MAF: variants seen among roughly 807,000 people sequenced by gnomAD.
MAF encodes the protein transcription factor Maf.
MAF carries 10 observed loss-of-function variants against 22.0 expected under a neutral mutation model. The ratio of observed to expected loss-of-function variants is 0.45; its 90% CI spans 0.28 to 0.77. MAF has a LOEUF of 0.77. Ranked by LOEUF, MAF falls within the 30% of genes least tolerant of loss-of-function variation. MAF has a pLI of 0.12. For missense variants in MAF, 544 were observed against 548.4 expected, an observed-to-expected ratio of 0.99 and a Z score of 0.08; for synonymous variants, 337 against 255.8, an observed-to-expected ratio of 1.32 and a Z score of -3.03.
chr16:79,203,114 C>T, the MAF span: 3 of 152,176 alleles, frequency 2.0e-5, no homozygotes, highest in Admixed American at 6.5e-5. Flanking sequence ...ACTAGCAACA[C>T]GCTGCTGGTG....
At chr16:79,263,418 T>G in the MAF span, among the ~76,000 whole-genome samples, 1 of 152,244 alleles carries the variant, frequency 6.6e-6, no homozygotes. Context: ...GATATTATCT[T>G]TGTTCATGTT....
At chr16:79,555,982 G>C in the MAF span, among the ~76,000 whole-genome samples, 2 of 151,826 alleles carry the variant, frequency 1.3e-5, no homozygotes, top group African/African-American at 4.8e-5. Flanking sequence ...TGATGATTTC[G>C]TTTAGTTTAG....
the MAF span, among the ~76,000 whole-genome samples, chr16:79,462,630 C>T: frequency 1.3e-5 from 2 of 152,190 alleles, no homozygotes; most frequent in African/African-American, 4.8e-5. Flanking sequence ...TGTTCACACA[C>T]ATGTATACAA....
chr16:79,549,456 C>G, the MAF span, among the ~76,000 whole-genome samples: 24 of 152,206 alleles, frequency 1.6e-4, no homozygotes, highest in African/African-American at 5.3e-4. Context: ...TAGAGCTGTA[C>G]GTTCCTCAAC....
the MAF span, among the ~76,000 whole-genome samples, chr16:79,210,426 G>A: frequency 0.019 from 2,959 of 152,260 alleles, 106 homozygotes; most frequent in African/African-American, 0.068. Context: ...TGGTCACAAT[G>A]TAAACCCTGC....
the MAF span, among the ~76,000 whole-genome samples, chr16:79,459,236 G>C: frequency 6.6e-6 from 1 of 152,056 alleles, no homozygotes; most frequent in Admixed American, 6.5e-5. Flanking sequence ...TACATAATTA[G>C]AAGAAAGCAA....
the MAF span, among the ~76,000 whole-genome samples, chr16:79,332,581 G>A: frequency 1.3e-5 from 2 of 152,234 alleles, no homozygotes; most frequent in South Asian, 2.1e-4. Context: ...TTACTGGCAT[G>A]AGCCACCACG....
At chr16:79,315,978 A>G in the MAF span, among the ~76,000 whole-genome samples, 1 of 152,344 alleles carries the variant, frequency 6.6e-6, no homozygotes, top group Non-Finnish European at 1.5e-5. Flanking sequence ...TGCCATTCTG[A>G]ACCTCTTGTG....
chr16:79,379,329 G>A, the MAF span, among the ~76,000 whole-genome samples: 20 of 152,236 alleles, frequency 1.3e-4, no homozygotes, highest in African/African-American at 4.8e-4. Flanking sequence ...TGTTGCCTTG[G>A]GTGTGTCAGC....
the MAF span, among the ~76,000 whole-genome samples, chr16:79,485,504 G>A: frequency 2.0e-5 from 3 of 152,150 alleles, no homozygotes; most frequent in South Asian, 2.1e-4. Flanking sequence ...TCTGATAACC[G>A]TCTCTGAGCC....
the MAF span, among the ~76,000 whole-genome samples, chr16:79,479,761 G>A: frequency 6.6e-6 from 1 of 152,196 alleles, no homozygotes; most frequent in Non-Finnish European, 1.5e-5. Flanking sequence ...GTCTGTGCTG[G>A]TACTCTATAT....
the MAF span, among the ~76,000 whole-genome samples, chr16:79,517,284 G>A: frequency 6.6e-6 from 1 of 152,302 alleles, no homozygotes; most frequent in Non-Finnish European, 1.5e-5. Context: ...AGAGAGTACT[G>A]ATGTGGGAAA....
chr16:79,469,388 T>G, the MAF span, among the ~76,000 whole-genome samples: 1 of 152,174 alleles, frequency 6.6e-6, no homozygotes, highest in Non-Finnish European at 1.5e-5. Context: ...AGATCTTGTT[T>G]GATGACCAAC....
the MAF span, among the ~76,000 whole-genome samples, chr16:79,244,451 G>C: frequency 6.6e-6 from 1 of 152,026 alleles, no homozygotes; most frequent in Non-Finnish European, 1.5e-5. Context: ...AATCATTAGT[G>C]AACTCCCATT....
At chr16:79,232,788 G>A in the MAF span, among the ~76,000 whole-genome samples, 177 of 151,430 alleles carry the variant, frequency 1.2e-3, no homozygotes, top group African/African-American at 4.3e-3. Context: ...TGAAATAATG[G>A]CCCAGTTTAA....
the MAF span, among the ~76,000 whole-genome samples, chr16:79,360,280 G>C: frequency 6.6e-6 from 1 of 152,120 alleles, no homozygotes; most frequent in Non-Finnish European, 1.5e-5. Flanking sequence ...ACCTGTCTCT[G>C]CTCTCCTGGG....
chr16:79,207,217 G>A, the MAF span, among the ~76,000 whole-genome samples: 6 of 152,214 alleles, frequency 3.9e-5, no homozygotes, highest in African/African-American at 1.4e-4. Context: ...TCCTAGTGGT[G>A]TATTCACAGA....
At chr16:79,521,795 G>A in the MAF span, among the ~76,000 whole-genome samples, 3 of 152,076 alleles carry the variant, frequency 2.0e-5, no homozygotes, top group South Asian at 2.1e-4. Flanking sequence ...ATTATAATGC[G>A]TGCTTTCTAT....
chr16:79,597,460 C>G (rs2143781755), intron 1 of MAF: 2 of 1,027,204 alleles, frequency 1.9e-6, no homozygotes, highest in South Asian at 4.6e-5. Context: ...AATTTTAGTC[C>G]CCAAAGTGGG....
Sources: allele counts gnomAD v4.1 joint callset (sites outside exome capture counted in the v4.1 genomes callset), GRCh38; gene constraint gnomAD v4.1.1; transcripts MANE v1.5; gene names NCBI Gene and HGNC (gene_info 2026-07-23, HGNC 2026-07-21).